DIAPH2: variants seen among roughly 807,000 people sequenced by gnomAD.
DIAPH2 encodes protein diaphanous homolog 2.
Under a neutral mutation model 92.7 loss-of-function variants are expected in DIAPH2, and 35 were observed. The ratio of observed to expected loss-of-function variants is 0.38; its 90% CI spans 0.29 to 0.50. The LOEUF (loss-of-function observed/expected upper bound fraction) is 0.50. Ranked by LOEUF, DIAPH2 falls within the 20% of genes least tolerant of loss-of-function variation. The pLI is 0.94. For missense variants in DIAPH2, 701 were observed against 819.5 expected (o/e 0.86, Z 1.77); for synonymous variants, 301 against 280.4 (o/e 1.07, Z -0.73).
At position 96,685,156 on chromosome X, in the gene DIAPH2, C is replaced by T. The variant is rs1291837205; in HGVS notation, c.98C>T (p.Ala33Val). Residue 33 changes from alanine to valine, a missense_variant, in exon 1 of 27, where the codon GCC becomes GTC. By Grantham distance (64) the Ala-to-Val change is moderately conservative. Around this residue, in one of 3 missense-constraint regions of DIAPH2, gnomAD observed 131 missense variants for 145.6 expected, o/e 0.90. Transcript: ENST00000324765. Reference sequence around the variant, plus strand: ...AAGCGGAGCGCGGGGAACCGGGCCGCCAATGAAGAGGAAACGAAAAACAAA... The same window carrying T: ...AAGCGGAGCGCGGGGAACCGGGCCGTCAATGAAGAGGAAACGAAAAACAAA... The part of the protein sequence containing the change: ...SNKRSAGNRA[A>V]NEEETKNKPK... The T allele has an allele frequency of 2.0e-6, 2 of 1,012,939 alleles. No homozygotes were observed. Among genetic ancestry groups the T allele is most frequent in the Non-Finnish European group, 1.3e-6 (1 of 790,885 alleles). The allele number at this position is 1,012,939 out of a possible 1,213,427, so 83.5% of individuals were successfully genotyped here. A position where few individuals can be genotyped will look rare whatever the true frequency, so the allele number is the denominator to read the frequency against.
At chrX:96,924,937 C>T (rs1198370590) in intron 9 of DIAPH2, among the ~76,000 whole-genome samples, 1 of 111,256 alleles carries the variant, frequency 9.0e-6, no homozygotes, top group Non-Finnish European at 1.9e-5. Context: ...GATACAAATC[C>T]AAACCATATC....
At chrX:97,009,752 G>A (rs761468630) in intron 17 of DIAPH2, among the ~76,000 whole-genome samples, 1 of 111,941 alleles carries the variant, frequency 8.9e-6, no homozygotes, top group East Asian at 2.8e-4. Flanking sequence ...TGCAGTGGGG[G>A]CTTTAGGACT....
chrX:97,589,739 A>G (rs1356143238), intron 26 of DIAPH2, among the ~76,000 whole-genome samples: 1 of 112,502 alleles, frequency 8.9e-6, no homozygotes, highest in South Asian at 3.7e-4. Context: ...TCTTTGAGAC[A>G]TCTTATATGA....
chrX:97,134,488 A>G (rs2067158193), intron 21 of DIAPH2, among the ~76,000 whole-genome samples: 1 of 111,535 alleles, frequency 9.0e-6, no homozygotes, highest in Admixed American at 9.5e-5. Flanking sequence ...CCCTAGTGGC[A>G]TGCATCAGAA....
intron 22 of DIAPH2, among the ~76,000 whole-genome samples, chrX:97,177,708 TTA>T (rs1491447482): frequency 1.1e-4 from 2 of 18,502 alleles, no homozygotes; most frequent in Non-Finnish European, 2.9e-4. Flanking sequence ...AAAAGCCTAC[TTA>T]AAAAAAAAAA....
intron 1 of DIAPH2, among the ~76,000 whole-genome samples, chrX:96,704,971 G>GTTTTTT (rs397896760): frequency 1.2e-5 from 1 of 84,578 alleles, no homozygotes; most frequent in East Asian, 4.1e-4. Flanking sequence ...AAAACAGAGG[G>GTTTTTT]TTTTTTTTTT....
At chrX:97,473,320 T>A (rs1199390357) in intron 26 of DIAPH2, among the ~76,000 whole-genome samples, 2 of 111,421 alleles carry the variant, frequency 1.8e-5, no homozygotes, top group Non-Finnish European at 1.9e-5. Flanking sequence ...TATTTCTTTT[T>A]TAAAAAATTA....
chrX:97,178,781 CT>C (rs2067515940), intron 22 of DIAPH2, among the ~76,000 whole-genome samples: 1 of 110,879 alleles, frequency 9.0e-6, no homozygotes, highest in Non-Finnish European at 1.9e-5. Flanking sequence ...GAGGTGAGGC[CT>C]TTAGGAGGCG....
At chrX:97,105,736 T>A (rs1192402124) in intron 20 of DIAPH2, among the ~76,000 whole-genome samples, 1 of 112,130 alleles carries the variant, frequency 8.9e-6, no homozygotes, top group African/African-American at 3.2e-5. Context: ...TAATTAATTC[T>A]CTTAGTAATC....
chrX:96,784,936 TAAG>T lies in DIAPH2; in HGVS notation c.447+26682_447+26684del, dbSNP rs769896940. On this transcript the variant is annotated intron_variant, in intron 4 of 26. Transcript: ENST00000324765. ...CTCAGAAAAGATGAGCAGCAGTGGT[TAAG>T]AAGGCAATCTCTGGAGTCTGTCTGC... Among the ~76,000 whole-genome samples the T allele has an allele frequency of 8.8e-4, 99 of 112,342 alleles. 1 individual carries two copies. Among genetic ancestry groups the T allele is most frequent in the Middle Eastern group, 4.6e-3 (1 of 219 alleles).
At chrX:97,352,870 CA>C (rs1176922373) in intron 24 of DIAPH2, among the ~76,000 whole-genome samples, 505 of 27,110 alleles carry the variant, frequency 0.019, 2 homozygotes, top group African/African-American at 0.057. Flanking sequence ...AATCTGTCTC[CA>C]AAAAAAAAAA....
At chrX:97,344,832 C>T (rs768277107) in intron 23 of DIAPH2, among the ~76,000 whole-genome samples, 2 of 112,002 alleles carry the variant, frequency 1.8e-5, no homozygotes, top group African/African-American at 3.2e-5. Flanking sequence ...ACAAATTTTC[C>T]CTTTTTTGTT....
chrX:96,756,848 G>T (rs2064232477), intron 3 of DIAPH2, among the ~76,000 whole-genome samples: 2 of 105,768 alleles, frequency 1.9e-5, no homozygotes, highest in African/African-American at 6.9e-5. Flanking sequence ...GTTTTGATTT[G>T]CATTTCCCCA....
chrX:96,939,497 T>C lies in DIAPH2; in HGVS notation c.1325+115T>C, dbSNP rs765528587. 1.5e-4 allele frequency: 9 copies of C among 61,996 alleles called. No individual in the cohort carries two copies. The East Asian group carries it at 2.9e-3, about 20-fold the overall frequency. The allele number at this position is 61,996 out of a possible 1,213,427, so 5.1% of individuals were successfully genotyped here. A position where few individuals can be genotyped will look rare whatever the true frequency, so the allele number is the denominator to read the frequency against. On this transcript the variant is annotated intron_variant, in intron 12 of 26. Transcript: ENST00000324765. ...GCATATGTGTGTGTATGTATATATA[T>C]ATGTATATATATATGTATGTATATA...
chrX:97,242,303 G>A, intron 22 of DIAPH2, among the ~76,000 whole-genome samples: 1 of 111,114 alleles, frequency 9.0e-6, no homozygotes, highest in Non-Finnish European at 1.9e-5. Context: ...CACCAATGAA[G>A]GAACAGGAGA....
chrX:96,890,628 T>A (rs2065301060), intron 5 of DIAPH2, among the ~76,000 whole-genome samples: 1 of 111,101 alleles, frequency 9.0e-6, no homozygotes, highest in Admixed American at 9.7e-5. Context: ...AATTTAAAAA[T>A]ATATATAAAT....
intron 24 of DIAPH2, among the ~76,000 whole-genome samples, chrX:97,364,412 C>T (rs1040948066): frequency 8.9e-6 from 1 of 111,846 alleles, no homozygotes; most frequent in Admixed American, 9.5e-5. Flanking sequence ...ATCAACTCAG[C>T]TTTGATTTTC....
chrX:97,333,113 T>C (rs1192696371), intron 23 of DIAPH2, among the ~76,000 whole-genome samples: 1 of 111,805 alleles, frequency 8.9e-6, no homozygotes, highest in Non-Finnish European at 1.9e-5. Context: ...AGGCCAAGCA[T>C]ATTCGGACTA....
At chrX:96,851,819 A>G (rs1244313406) in intron 4 of DIAPH2, among the ~76,000 whole-genome samples, 2 of 112,611 alleles carry the variant, frequency 1.8e-5, no homozygotes, top group Non-Finnish European at 3.7e-5. Flanking sequence ...CAAAAAGTTT[A>G]AAGTGAAAAT....
Sources: allele counts gnomAD v4.1 joint callset (sites outside exome capture counted in the v4.1 genomes callset), GRCh38; gene constraint gnomAD v4.1.1; regional missense constraint gnomAD v4.1.1; transcripts MANE v1.5; gene names NCBI Gene and HGNC (gene_info 2026-07-23, HGNC 2026-07-21).